C10orf90: variants seen among roughly 807,000 people sequenced by gnomAD.
C10orf90 encodes the protein chromosome 10 open reading frame 90, also known as (E2-independent) E3 ubiquitin-conjugating enzyme FATS.
Under a neutral mutation model 62.5 loss-of-function variants are expected in C10orf90, and 56 were observed. The ratio of observed to expected loss-of-function variants is 0.90; its 90% confidence interval spans 0.72 to 1.12. C10orf90 has a LOEUF of 1.12. Ranked by LOEUF, C10orf90 falls within the 50% of genes most tolerant of loss-of-function variation. The pLI, the probability that C10orf90 is intolerant of heterozygous loss-of-function variation, is 0.00. For missense variants in C10orf90, 970 were observed against 880.4 expected (o/e 1.10, Z -1.29); for synonymous variants, 386 against 340.4 (o/e 1.13, Z -1.47).
At chr10:126,483,725 T>C (rs1278529823) in intron 4 of C10orf90, among the ~76,000 whole-genome samples, 1 of 152,218 alleles carries the variant, frequency 6.6e-6, no homozygotes, top group Non-Finnish European at 1.5e-5. Context: ...TTGTCACTTC[T>C]CTCTTAGCAA....
At chr10:126,495,300 G>A (rs1333961605) in intron 4 of C10orf90, among the ~76,000 whole-genome samples, 2 of 152,154 alleles carry the variant, frequency 1.3e-5, no homozygotes, top group Admixed American at 6.5e-5. Context: ...GAGACGGGTG[G>A]ATCACCTGAA....
At chr10:126,511,156 A>G (rs1003979491) in intron 3 of C10orf90, among the ~76,000 whole-genome samples, 2 of 152,196 alleles carry the variant, frequency 1.3e-5, no homozygotes, top group Non-Finnish European at 2.9e-5. Context: ...CTCGAATGGA[A>G]GCGCATTTTC....
intron 2 of C10orf90, among the ~76,000 whole-genome samples, chr10:126,517,866 C>T (rs1865903): frequency 0.11 from 15,906 of 141,900 alleles, 1,103 homozygotes; most frequent in South Asian, 0.28. Context: ...GCTGAGATCA[C>T]GCCATCGCAC....
chr10:126,477,184 G>A (rs1036989204), intron 4 of C10orf90, among the ~76,000 whole-genome samples: 1 of 131,914 alleles, frequency 7.6e-6, no homozygotes, highest in African/African-American at 2.9e-5. Flanking sequence ...GAATACAGCT[G>A]AGTGTTGTTT....
At chr10:126,429,908 G>C (rs1227657587) in intron 7 of C10orf90, 58 bp from the exon 8 acceptor site, 3 of 1,411,648 alleles carry the variant, frequency 2.1e-6, no homozygotes, top group East Asian at 4.6e-5. Flanking sequence ...CACATTTCTA[G>C]AGAAACATTG....
chr10:126,577,348 TA>T (rs1342066688), intron 2 of C10orf90, among the ~76,000 whole-genome samples: 1 of 151,748 alleles, frequency 6.6e-6, no homozygotes, highest in Non-Finnish European at 1.5e-5. Context: ...TTTCTGGATG[TA>T]AAAGACCAGG....
intron 4 of C10orf90, among the ~76,000 whole-genome samples, chr10:126,468,700 C>T (rs1014050841): frequency 6.6e-6 from 1 of 152,132 alleles, no homozygotes; most frequent in African/African-American, 2.4e-5. Flanking sequence ...GAAATGTGAG[C>T]CCTGTGGAAA....
rs76549878 is a variant in C10orf90 at position 126,532,208 on chromosome 10, C to A, written c.314-18269G>T. Among the ~76,000 whole-genome samples the A allele has an allele frequency of 9.9e-4, 151 of 152,254 alleles. 4 individuals carry two copies. The East Asian group carries it at 0.023, about 23-fold the overall frequency. On this transcript the variant is annotated intron_variant, in intron 2 of 9. Coordinates refer to ENST00000488181, the MANE Select transcript of C10orf90 (RefSeq NM_001350921.2). Reference sequence around the variant, plus strand: ...TCATTGCATCTCAGCCTGCCATGTCCCTAACTTGACCTGTGGCTCTATCTG... The same window carrying A: ...TCATTGCATCTCAGCCTGCCATGTCACTAACTTGACCTGTGGCTCTATCTG...
In C10orf90 at chr10:126,576,689, ACATGT is replaced by A. The variant is rs1300291655; in HGVS notation, c.314-62755_314-62751del. ...CATATATATGTATACATATACATAT[ACATGT>A]ATATGTATATGTATATATATACAAG... is the stretch of plus-strand genomic sequence containing the variant. On this transcript the variant is annotated intron_variant, in intron 2 of 9. Coordinates refer to ENST00000488181, the MANE Select transcript of C10orf90 (RefSeq NM_001350921.2). Among the ~76,000 whole-genome samples the A allele has an allele frequency of 1.8e-3, 143 of 80,896 alleles. 13 individuals carry two copies. Among genetic ancestry groups the A allele is most frequent in the East Asian group, 5.2e-3 (19 of 3,640 alleles). The allele number at this position is 80,896 out of a possible 152,430, so 53.1% of individuals were successfully genotyped here. A position where few individuals can be genotyped will look rare whatever the true frequency, so the allele number is the denominator to read the frequency against.
At position 126,653,255 on chromosome 10, in the gene C10orf90, G is replaced by A. The variant is rs189046724; in HGVS notation, c.241-6618C>T. 6.9e-4 allele frequency among the ~76,000 whole-genome samples: 105 copies of A among 152,258 alleles called. 1 individual carries two copies. The highest frequency in any genetic ancestry group is 1.4e-3 in the Admixed American group (21 of 15,282). The stretch of plus-strand genomic sequence containing the variant: ...AATTGACTCTTCCTTTCACGAAACA[G>A]TTCTCTGTAGCATGTGAAGTTGTTT... On this transcript the variant is annotated intron_variant, in intron 1 of 9. Coordinates refer to ENST00000488181, the MANE Select transcript of C10orf90 (RefSeq NM_001350921.2).
intron 2 of C10orf90, among the ~76,000 whole-genome samples, chr10:126,601,938 A>C (rs992553746): frequency 6.6e-6 from 1 of 152,268 alleles, no homozygotes; most frequent in South Asian, 2.1e-4. Flanking sequence ...AGCTAGTCTC[A>C]GATCTAAATG....
At chr10:126,489,990 A>ATATATAT (rs1253050980) in intron 4 of C10orf90, among the ~76,000 whole-genome samples, 2 of 103,530 alleles carry the variant, frequency 1.9e-5, no homozygotes, top group Non-Finnish European at 3.7e-5. Context: ...TATATATATA[A>ATATATAT]TATATATTAT....
rs562742612 is a variant in C10orf90 at position 126,603,136 on chromosome 10, C to A, written c.313+43429G>T. Among the ~76,000 whole-genome samples, 4 of 152,100 alleles carry A rather than the reference C, an allele frequency of 2.6e-5. No individual in the cohort carries two copies. In the East Asian group the frequency reaches 7.8e-4, roughly 30 times the overall value. ...GTCTGGAGGTGGAGCTGGAAGTCAT[C>A]TGTATTAGTCCGTTCTCACGCTGCT... On this transcript the variant is annotated intron_variant, in intron 2 of 9. Transcript: ENST00000488181.
intron 2 of C10orf90, among the ~76,000 whole-genome samples, chr10:126,559,931 A>T (rs1227613773): frequency 6.6e-6 from 1 of 152,202 alleles, no homozygotes; most frequent in Admixed American, 6.5e-5. Flanking sequence ...ATGCAGCATG[A>T]CATTATAAAT....
intron 2 of C10orf90, among the ~76,000 whole-genome samples, chr10:126,580,888 C>T (rs1489728686): frequency 1.3e-5 from 2 of 151,982 alleles, no homozygotes; most frequent in African/African-American, 2.4e-5. Flanking sequence ...TTCCATCCTC[C>T]CTCCCTCTAC....
At chr10:126,596,138 TA>T (rs34919079) in intron 2 of C10orf90, among the ~76,000 whole-genome samples, 3,306 of 126,574 alleles carry the variant, frequency 0.026, 81 homozygotes, top group African/African-American at 0.077. Context: ...ATCTCTTATT[TA>T]AAAAAAAAAA....
intron 5 of C10orf90, 31 bp downstream of exon 5, chr10:126,464,665 A>G (rs1246642328): frequency 1.9e-6 from 3 of 1,579,866 alleles, no homozygotes; most frequent in East Asian, 2.3e-5. Context: ...GTCAAGACCA[A>G]ATGATGTCAC....
At chr10:126,526,063 A>ACACACACACACAC (rs1266531514) in intron 2 of C10orf90, among the ~76,000 whole-genome samples, 1 of 93,282 alleles carries the variant, frequency 1.1e-5, no homozygotes, top group African/African-American at 3.6e-5. Flanking sequence ...CACACACACA[A>ACACACACACACAC]AAGAAGCAGA....
At position 126,504,620 on chromosome 10, in the gene C10orf90, C is replaced by T. The variant is rs1212499286; in HGVS notation, c.871G>A (p.Ala291Thr). The T allele has an allele frequency of 6.2e-7, 1 of 1,614,238 alleles. No individual in the cohort carries two copies. The highest frequency in any genetic ancestry group is 1.7e-5 in the Admixed American group (1 of 60,032). ...CTGTTTCTGGAGAACTCTGTGCAGG[C>T]AAAAGATCTCTGATGCCGACCTGGA... ...AHPGRHQRSF[A>T]CTEFSRNSSV... Residue 291 changes from alanine (A) to threonine (T), a missense_variant, in exon 4 of 10, where the codon GCC becomes ACC. Transcript: ENST00000488181. This position sits in a 1 kb window ranked among gnomAD's most constrained non-coding sequence, Gnocchi z 4.1.
Sources: gnomAD v4.1 joint callset for allele counts (sites outside exome capture counted in the v4.1 genomes callset) on GRCh38, gnomAD v4.1.1 for gene constraint, Gnocchi (gnomAD v3.1) non-coding constraint, MANE v1.5 for transcripts, NCBI Gene and HGNC (gene_info 2026-07-23, HGNC 2026-07-21) for gene names.